The following DSCAML1 variants were observed in gnomAD, a reference collection of about 807,000 sequenced individuals.
DSCAML1 encodes cell adhesion molecule DSCAML1.
A neutral mutation model predicts 200.5 loss-of-function variants in DSCAML1; 38 were observed. The observed-to-expected ratio is 0.19, with a 90% CI of 0.15 to 0.25. The LOEUF is 0.25. Among genes scored for constraint, DSCAML1 ranks in the 10% least tolerant of loss-of-function variants. The pLI is 1.00. For missense variants in DSCAML1, 2,223 were observed against 2,858.8 expected (o/e 0.78, Z 5.07); for synonymous variants, 1,215 against 1,165.0 (o/e 1.04, Z -0.87).
chr11:117,512,761 TCAC>T (rs1380303575), intron 8 of DSCAML1, among the ~76,000 whole-genome samples: 1 of 113,090 alleles, frequency 8.8e-6, no homozygotes, highest in Non-Finnish European at 1.8e-5. Context: ...TCCTCTAGGA[TCAC>T]ACACACACAC....
chr11:117,699,416 G>A (rs545299031), intron 3 of DSCAML1, among the ~76,000 whole-genome samples: 1 of 152,326 alleles, frequency 6.6e-6, no homozygotes, highest in African/African-American at 2.4e-5. Context: ...GCTTAACGAT[G>A]TCACCCCAGA....
At chr11:117,593,870 C>T (rs188971151) in intron 3 of DSCAML1, among the ~76,000 whole-genome samples, 2 of 152,024 alleles carry the variant, frequency 1.3e-5, no homozygotes, top group African/African-American at 2.4e-5. Flanking sequence ...CGCCACCACA[C>T]CTGGCTAATT....
At chr11:117,782,292 G>A (rs930039481) in intron 1 of DSCAML1, among the ~76,000 whole-genome samples, 4 of 152,168 alleles carry the variant, frequency 2.6e-5, no homozygotes, top group Non-Finnish European at 5.9e-5. Flanking sequence ...AATTCACATC[G>A]TCTCATAAAA....
intron 3 of DSCAML1, chr11:117,612,105 A>C (rs1453203379): frequency 6.6e-6 from 1 of 152,284 alleles, no homozygotes; most frequent in African/African-American, 2.4e-5. Flanking sequence ...CCCTGAGAAC[A>C]GTGCTCTGTA....
chr11:117,795,750 C>T lies in DSCAML1; in HGVS notation c.46+1284G>A, dbSNP rs769929174. Among the ~76,000 whole-genome samples the T allele has an allele frequency of 7.2e-5, 11 of 152,290 alleles. No homozygotes were observed. In the South Asian group the frequency reaches 1.7e-3, roughly 23 times the overall value. ...CTCTTTCCCCCAACCCACGATGTAT[C>T]GCAGTGGGCTCCGGCAGGCTGCAGA... On this transcript the variant is annotated intron_variant, in intron 1 of 32. Coordinates refer to ENST00000651296, the MANE Select transcript of DSCAML1 (RefSeq NM_020693.4).
Position 117,438,980 on chromosome 11 carries a change from G to A in DSCAML1, c.4148C>T (p.Pro1383Leu). The change falls in exon 24 of 33, where the codon CCC becomes CTC. Residue 1383 changes from proline to leucine, a missense_variant. Physicochemically the swap from Pro to Leu is moderately conservative, Grantham distance 98. Coordinates refer to ENST00000651296, the MANE Select transcript of DSCAML1 (RefSeq NM_020693.4). ...TIIVNLLVQV[P>L]PDQPRLTVSK... ...GACAGTGAGGCGGGGCTGGTCCGGG[G>A]GAACTGTGAGGGGAAAGCCACCACC... 1 of 1,601,946 alleles carries A rather than the reference G, an allele frequency of 6.2e-7. No individual in the cohort carries two copies. Among genetic ancestry groups the A allele is most frequent in the Non-Finnish European group, 8.5e-7 (1 of 1,175,694 alleles).
chr11:117,634,999 C>T (rs1018171196), intron 3 of DSCAML1, among the ~76,000 whole-genome samples: 21 of 152,198 alleles, frequency 1.4e-4, no homozygotes, highest in African/African-American at 4.8e-4. Flanking sequence ...TCCTCTCCTC[C>T]CTCAGCTGGC....
chr11:117,613,612 T>C (rs1012046369), intron 3 of DSCAML1, among the ~76,000 whole-genome samples: 38 of 152,158 alleles, frequency 2.5e-4, no homozygotes, highest in African/African-American at 9.2e-4. Flanking sequence ...CAGAACAGGA[T>C]GCCTACCAGG....
chr11:117,513,341 G>A (rs1307949668), intron 8 of DSCAML1, among the ~76,000 whole-genome samples: 2 of 152,264 alleles, frequency 1.3e-5, no homozygotes, highest in African/African-American at 2.4e-5. Context: ...TGGCTCCCTC[G>A]CAACAGCAGG....
chr11:117,588,797 C>A, intron 3 of DSCAML1, among the ~76,000 whole-genome samples: 1 of 152,084 alleles, frequency 6.6e-6, no homozygotes, highest in East Asian at 1.9e-4. Context: ...TGGCCAGGGG[C>A]GGGTGTGGGG....
In DSCAML1 at chr11:117,516,475, G is replaced by T; in HGVS notation, c.1775C>A (p.Ala592Asp). The T allele has an allele frequency of 6.2e-7, 1 of 1,612,046 alleles. No homozygotes were observed. ...TGGTGAGGGAGGCCTACCTTTGACG[G>T]CTACGTGAACGCTCTGGCTGATGGA... ...QLSISQSVHV[A>D]VKVPPLIQPF... Residue 592 changes from alanine to aspartate, a missense_variant, in exon 8 of 33, where the codon GCC becomes GAC. Ala to Asp is a moderately radical substitution (Grantham distance 126, BLOSUM62 -2). Around this residue, in one of 7 missense-constraint regions of DSCAML1, gnomAD observed 212 missense variants for 368.0 expected, o/e 0.58. Transcript: ENST00000651296. This position sits in a 1 kb window ranked among gnomAD's most constrained non-coding sequence, Gnocchi z 5.7.
intron 3 of DSCAML1, among the ~76,000 whole-genome samples, chr11:117,545,742 G>A (rs1383151567): frequency 6.6e-6 from 1 of 152,192 alleles, no homozygotes; most frequent in African/African-American, 2.4e-5. Flanking sequence ...CATCATCCAG[G>A]GATGAGGTGG....
In DSCAML1 at chr11:117,518,819, C is replaced by T; in HGVS notation, c.1214-57G>A. Reference sequence around the variant, plus strand: ...ACCAAGCCATGGAGAGACGGTCCCCCCAGCCACCCCACCTCAGCAGGGGAG... The same window carrying T: ...ACCAAGCCATGGAGAGACGGTCCCCTCAGCCACCCCACCTCAGCAGGGGAG... On this transcript the variant is annotated intron_variant, in intron 6 of 32. Coordinates refer to ENST00000651296, the MANE Select transcript of DSCAML1 (RefSeq NM_020693.4). This position sits in a 1 kb window ranked among gnomAD's most constrained non-coding sequence, Gnocchi z 6.3. The T allele has an allele frequency of 6.5e-7, 1 of 1,537,944 alleles. No individual in the cohort carries two copies. The highest frequency in any genetic ancestry group is 8.7e-7 in the Non-Finnish European group (1 of 1,149,456).
In DSCAML1 at chr11:117,662,365, C is replaced by T. The variant is rs73592638; in HGVS notation, c.511+114426G>A. 2.3e-3 allele frequency among the ~76,000 whole-genome samples: 350 copies of T among 152,312 alleles called. 1 individual carries two copies. Among genetic ancestry groups the T allele is most frequent in the African/African-American group, 6.8e-3 (282 of 41,562 alleles). Reference sequence around the variant, plus strand: ...TTCAAGGTAGCATGACAGACGGCTTCGAAATGTGAAGGGCTGTCATGTATG... The same window carrying T: ...TTCAAGGTAGCATGACAGACGGCTTTGAAATGTGAAGGGCTGTCATGTATG... On this transcript the variant is annotated intron_variant, in intron 3 of 32. Transcript: ENST00000651296.
Position 117,428,335 on chromosome 11 carries a change from A to T in DSCAML1, c.6155T>A (p.Leu2052Gln). The T allele has an allele frequency of 6.6e-7, 1 of 1,522,838 alleles. No individual in the cohort carries two copies. The highest frequency in any genetic ancestry group is 9.0e-7 in the Non-Finnish European group (1 of 1,106,316). The allele number at this position is 1,522,838 out of a possible 1,614,324, so 94.3% of individuals were successfully genotyped here. ...CTGCTCTTCCTGCGGGCCCTACACC[A>T]GGGTGTAGGATTTGGAGTAGGCCCC... ...GAGAYSKSYT[L>Q]V is the part of the protein sequence containing the mutation. Residue 2052 changes from leucine (L) to glutamine (Q), a missense_variant, in exon 33 of 33, where the codon CTG becomes CAG. Leu to Gln is a moderately radical substitution (Grantham distance 113). This residue lies in a region of DSCAML1 where 280 missense variants were observed against 213.4 expected (regional missense o/e 1.31). Coordinates refer to ENST00000651296, the MANE Select transcript of DSCAML1 (RefSeq NM_020693.4).
At chr11:117,705,581 G>A (rs554163528) in intron 3 of DSCAML1, among the ~76,000 whole-genome samples, 1 of 152,280 alleles carries the variant, frequency 6.6e-6, no homozygotes, top group African/African-American at 2.4e-5. Context: ...CTGGCTATGA[G>A]TGGGAAAATT....
intron 20 of DSCAML1, 103 bp from the exon 21 acceptor site, chr11:117,444,142 G>C (rs1018909614): frequency 1.6e-5 from 21 of 1,326,442 alleles, no homozygotes; most frequent in Non-Finnish European, 2.0e-5. Flanking sequence ...TGGCGGGGTC[G>C]GATGCGAGGC....
At chr11:117,733,696 C>T (rs1182271539) in intron 3 of DSCAML1, among the ~76,000 whole-genome samples, 1 of 152,216 alleles carries the variant, frequency 6.6e-6, no homozygotes, top group Non-Finnish European at 1.5e-5. Flanking sequence ...TATATGTGCA[C>T]ATCTTGTCTT....
chr11:117,733,185 G>A (rs898436633), intron 3 of DSCAML1, among the ~76,000 whole-genome samples: 4 of 152,140 alleles, frequency 2.6e-5, no homozygotes, highest in East Asian at 3.9e-4. Context: ...TGCACATCCC[G>A]GAAGACCAGA....
Sources: allele counts gnomAD v4.1 joint callset (sites outside exome capture counted in the v4.1 genomes callset), GRCh38; gene constraint gnomAD v4.1.1; regional missense constraint gnomAD v4.1.1; non-coding constraint Gnocchi (gnomAD v3.1); transcripts MANE v1.5; gene names NCBI Gene and HGNC (gene_info 2026-07-23, HGNC 2026-07-21).